RELN: variants seen among roughly 807,000 people sequenced by gnomAD.
RELN encodes the protein reelin.
A neutral mutation model predicts 427.6 loss-of-function variants in RELN; 108 were observed. That is an observed-to-expected ratio of 0.25 (90% confidence interval 0.22 to 0.30). The LOEUF (loss-of-function observed/expected upper bound fraction) is 0.30. RELN is among the 10% of genes least tolerant of loss of function. The probability of loss-of-function intolerance (pLI) is 1.00; values close to 1 mark genes in which losing one functional copy is unlikely to be tolerated. For missense variants in RELN, 3,715 were observed against 4,302.8 expected (o/e 0.86, Z 3.82); for synonymous variants, 1,524 against 1,513.4 (o/e 1.01, Z -0.16).
chr7:103,914,491 T>G (rs1006632567), intron 2 of RELN, among the ~76,000 whole-genome samples: 1 of 152,148 alleles, frequency 6.6e-6, no homozygotes, highest in Admixed American at 6.6e-5. Context: ...GAAGTGTATA[T>G]AAGCCCTGGA....
At chr7:103,882,851 C>T (rs1304654226) in intron 2 of RELN, among the ~76,000 whole-genome samples, 1 of 152,168 alleles carries the variant, frequency 6.6e-6, no homozygotes, top group East Asian at 1.9e-4. Flanking sequence ...CGAATTCTAC[C>T]AGAGGTATAA....
intron 9 of RELN, among the ~76,000 whole-genome samples, chr7:103,699,310 T>C (rs1333850387): frequency 6.6e-6 from 1 of 152,190 alleles, no homozygotes; most frequent in Non-Finnish European, 1.5e-5. Flanking sequence ...ATAGATGGTG[T>C]ACCTTACCTT....
chr7:103,632,350 C>G (rs572894008), intron 19 of RELN, among the ~76,000 whole-genome samples: 20 of 152,320 alleles, frequency 1.3e-4, no homozygotes, highest in African/African-American at 4.6e-4. Flanking sequence ...AGAGCAGTAT[C>G]TGGCACATAA....
intron 46 of RELN, among the ~76,000 whole-genome samples, chr7:103,533,929 C>T (rs775568739): frequency 2.6e-5 from 4 of 152,016 alleles, no homozygotes; most frequent in East Asian, 3.9e-4. Context: ...TTATTAAGAT[C>T]GCTTTAATAA....
chr7:103,753,366 C>T (rs536325220), intron 4 of RELN, 152 bp from the exon 5 acceptor site: 1 of 689,254 alleles, frequency 1.5e-6, no homozygotes, highest in African/African-American at 1.8e-5. Context: ...TTTCTGGAAC[C>T]CTTGAAAAAA....
At chr7:103,561,127 A>G (rs146228937) in intron 36 of RELN, among the ~76,000 whole-genome samples, 1 of 152,326 alleles carries the variant, frequency 6.6e-6, no homozygotes, top group African/African-American at 2.4e-5. Flanking sequence ...ATTTTCTTAA[A>G]GTCACCAAAT....
chr7:103,840,999 A>G (rs558227431), intron 2 of RELN, among the ~76,000 whole-genome samples: 1 of 152,190 alleles, frequency 6.6e-6, no homozygotes, highest in Non-Finnish European at 1.5e-5. Flanking sequence ...GGTTATATGT[A>G]AACTTATGCA....
At chr7:103,935,137 C>G (rs1041817569) in intron 1 of RELN, among the ~76,000 whole-genome samples, 1 of 152,128 alleles carries the variant, frequency 6.6e-6, no homozygotes, top group Non-Finnish European at 1.5e-5. Flanking sequence ...AAGTACATTC[C>G]AGTTTCTGGA....
chr7:103,796,558 T>G (rs573258671), intron 3 of RELN, among the ~76,000 whole-genome samples: 1 of 152,280 alleles, frequency 6.6e-6, no homozygotes, highest in African/African-American at 2.4e-5. Context: ...GTCAAGAAAC[T>G]TAGAGTCTGT....
At chr7:103,799,604 T>C (rs1473718907) in intron 3 of RELN, among the ~76,000 whole-genome samples, 2 of 152,222 alleles carry the variant, frequency 1.3e-5, no homozygotes, top group East Asian at 3.8e-4. Flanking sequence ...AGATGTGGTA[T>C]CATCTTAAAC....
chr7:103,660,285 G>A (rs1833111222), intron 12 of RELN, among the ~76,000 whole-genome samples: 1 of 152,138 alleles, frequency 6.6e-6, no homozygotes. Context: ...GATAAAATGA[G>A]AGCCAGTTTG....
intron 16 of RELN, among the ~76,000 whole-genome samples, chr7:103,645,104 A>G (rs1215574134): frequency 2.0e-5 from 3 of 151,772 alleles, no homozygotes; most frequent in Non-Finnish European, 4.4e-5. Context: ...CACTAGACCA[A>G]TCCCACAAGA....
At chr7:103,763,385 T>G (rs1179963870) in intron 4 of RELN, among the ~76,000 whole-genome samples, 2 of 152,220 alleles carry the variant, frequency 1.3e-5, no homozygotes, top group Non-Finnish European at 2.9e-5. Flanking sequence ...TGCCAAGTTC[T>G]GGGAATGTAA....
intron 2 of RELN, among the ~76,000 whole-genome samples, chr7:103,913,333 T>C (rs1795410630): frequency 6.6e-6 from 1 of 152,188 alleles, no homozygotes; most frequent in African/African-American, 2.4e-5. Context: ...CTATTTAGAC[T>C]TACTAAATGC....
intron 2 of RELN, among the ~76,000 whole-genome samples, chr7:103,903,606 C>T (rs1056904004): frequency 6.6e-6 from 1 of 152,100 alleles, no homozygotes; most frequent in Non-Finnish European, 1.5e-5. Context: ...AGCTTAGTGG[C>T]AACTTCTGTC....
chr7:103,597,791 C>T (rs935398432), intron 24 of RELN, among the ~76,000 whole-genome samples: 6 of 152,060 alleles, frequency 3.9e-5, no homozygotes, highest in African/African-American at 1.4e-4. Flanking sequence ...TTAGTGAGTC[C>T]CCTGCAGGTC....
chr7:103,881,599 T>C (rs748610322), intron 2 of RELN, among the ~76,000 whole-genome samples: 16 of 152,164 alleles, frequency 1.1e-4, no homozygotes, highest in Non-Finnish European at 2.4e-4. Context: ...TTTTGTTATG[T>C]TCTTTTTCCT....
intron 49 of RELN, among the ~76,000 whole-genome samples, chr7:103,518,578 CTCCTGCCTTGGCT>C (rs1195267743): frequency 6.7e-6 from 1 of 148,790 alleles, no homozygotes; most frequent in Non-Finnish European, 1.5e-5. Context: ...TCAAGTGATC[CTCCTGCCTTGGCT>C]TCCCAAAGTG....
At chr7:103,591,469 T>C (rs1831414212) in intron 27 of RELN, among the ~76,000 whole-genome samples, 1 of 152,204 alleles carries the variant, frequency 6.6e-6, no homozygotes, top group African/African-American at 2.4e-5. Flanking sequence ...AAAGCATCTC[T>C]CAGAGAATTT....
Sources: gnomAD v4.1 joint callset for allele counts (sites outside exome capture counted in the v4.1 genomes callset) on GRCh38, gnomAD v4.1.1 for gene constraint, MANE v1.5 for transcripts, NCBI Gene and HGNC (gene_info 2026-07-23, HGNC 2026-07-21) for gene names.